SCLT1: variants seen among roughly 807,000 people sequenced by gnomAD.
SCLT1 encodes the protein sodium channel and clathrin linker 1, also known as sodium channel-associated protein 1.
A neutral mutation model predicts 112.8 loss-of-function variants in SCLT1; 78 were observed. That is an observed-to-expected ratio of 0.69 (90% CI 0.58 to 0.83). SCLT1 has a LOEUF of 0.83. Ranked by LOEUF, SCLT1 falls within the 40% of genes least tolerant of loss-of-function variation. The pLI is 0.00. For missense variants in SCLT1, 747 were observed against 770.4 expected (o/e 0.97, Z 0.36); for synonymous variants, 257 against 254.7 (o/e 1.01, Z -0.09).
intron 8 of SCLT1, among the ~76,000 whole-genome samples, chr4:128,996,416 T>G (rs1743020755): frequency 1.3e-5 from 2 of 152,170 alleles, no homozygotes; most frequent in Admixed American, 6.6e-5. Flanking sequence ...ATTCATTTAA[T>G]GAGTTTATTC....
chr4:129,078,565 T>C (rs1751660708), intron 2 of SCLT1, among the ~76,000 whole-genome samples: 1 of 151,942 alleles, frequency 6.6e-6, no homozygotes, highest in Admixed American at 6.6e-5. Context: ...AAAAATAATA[T>C]GGTTATAACA....
intron 18 of SCLT1, among the ~76,000 whole-genome samples, chr4:128,899,192 G>C (rs1579316996): frequency 6.6e-6 from 1 of 152,272 alleles, no homozygotes; most frequent in African/African-American, 2.4e-5. Flanking sequence ...GCATCATCCT[G>C]ATACCAAAGC....
At chr4:128,873,397 AAG>A (rs1273239317) in intron 5 of SCLT1, 1 of 152,666 alleles carries the variant, frequency 6.6e-6, no homozygotes, top group East Asian at 1.9e-4. Flanking sequence ...TTATACAGGA[AAG>A]AGACTGAAGT....
chr4:129,059,629 A>T (rs1749771532), intron 2 of SCLT1, among the ~76,000 whole-genome samples: 1 of 152,130 alleles, frequency 6.6e-6, no homozygotes, highest in Admixed American at 6.5e-5. Context: ...TGCTGGGTAT[A>T]GTATTCTTGG....
At chr4:128,907,473 C>A (rs1734777786) in intron 18 of SCLT1, among the ~76,000 whole-genome samples, 5 of 151,856 alleles carry the variant, frequency 3.3e-5, no homozygotes, top group Admixed American at 2.6e-4. Flanking sequence ...AAGATGATAC[C>A]CAGAGTTTTT....
downstream of SCLT1, among the ~76,000 whole-genome samples, chr4:128,880,332 G>A (rs148537136): frequency 2.1e-3 from 323 of 152,116 alleles, no homozygotes; most frequent in African/African-American, 7.4e-3. Context: ...TCAATGGTTC[G>A]AATGAAAATA....
intron 5 of SCLT1, among the ~76,000 whole-genome samples, chr4:129,004,542 T>C (rs1743824927): frequency 6.6e-6 from 1 of 152,060 alleles, no homozygotes; most frequent in Non-Finnish European, 1.5e-5. Flanking sequence ...AGAATGATTG[T>C]TTTAATTTAA....
chr4:128,960,417 A>G (rs1322164777), intron 11 of SCLT1, among the ~76,000 whole-genome samples: 1 of 152,190 alleles, frequency 6.6e-6, no homozygotes, highest in Non-Finnish European at 1.5e-5. Context: ...CCAATAATAT[A>G]GAAATCTCAT....
intron 18 of SCLT1, among the ~76,000 whole-genome samples, chr4:128,933,648 T>C (rs17013947): frequency 0.016 from 2,431 of 152,268 alleles, 60 homozygotes; most frequent in African/African-American, 0.055. Context: ...GGTCTTGTTT[T>C]TACTGTTTAC....
chr4:129,081,182 C>T (rs376064329), intron 2 of SCLT1, among the ~76,000 whole-genome samples: 4 of 152,136 alleles, frequency 2.6e-5, no homozygotes, highest in African/African-American at 4.8e-5. Context: ...TCACAGAAAC[C>T]GCCACTGCTA....
At position 128,884,456 on chromosome 4, in the gene SCLT1, G is replaced by A; in HGVS notation, c.*21C>T. 6.7e-7 allele frequency: 1 copy of A among 1,495,688 alleles called. No homozygotes were observed. The highest frequency in any genetic ancestry group is 9.3e-7 in the Non-Finnish European group (1 of 1,074,532). 92.7% of individuals were successfully genotyped at this position (1,495,688 alleles called of 1,614,324 possible). A position where few individuals can be genotyped will look rare whatever the true frequency, so the allele number is the denominator to read the frequency against. The stretch of plus-strand genomic sequence containing the variant: ...ACTGCTTTCCCAACTCTAAAGTTCT[G>A]TGAGTGAACTATGAATATTTTTAAA... On this transcript the variant is annotated 3_prime_UTR_variant, in exon 21 of 21. Coordinates refer to ENST00000281142, the MANE Select transcript of SCLT1 (RefSeq NM_144643.4).
In SCLT1 at chr4:128,936,849, G is replaced by C; in HGVS notation, c.1635C>G (p.Ile545Met). 1 of 1,484,220 alleles carries C rather than the reference G, an allele frequency of 6.7e-7. No homozygotes were observed. Among genetic ancestry groups the C allele is most frequent in the Non-Finnish European group, 9.2e-7 (1 of 1,088,806 alleles). The allele number at this position is 1,484,220 out of a possible 1,614,324, so 91.9% of individuals were successfully genotyped here. The change falls in exon 18 of 21, where the codon ATC becomes ATG. Residue 545 changes from isoleucine (I) to methionine (M), a missense_variant and splice_region_variant. Ile to Met is a conservative substitution (Grantham distance 10). This residue lies in a region of SCLT1 where 723 missense variants were observed against 721.3 expected (regional missense o/e 1.00). Transcript: ENST00000281142. ...LEAQKKAKVK[I>M]STMEHEFSIK... ...TTGAAAATTCATGTTCCATTGTACT[G>C]ATCTAAAGAATAAAATGAAAACGTA...
At chr4:128,942,854 A>T in intron 17 of SCLT1, 142 bp downstream of exon 17, 1 of 556,612 alleles carries the variant, frequency 1.8e-6, no homozygotes, top group Non-Finnish European at 3.2e-6. Context: ...ATGATTGGTT[A>T]ACACTCTGAA....
chr4:128,977,029 A>G (rs1201612541), intron 9 of SCLT1, among the ~76,000 whole-genome samples: 1 of 152,156 alleles, frequency 6.6e-6, no homozygotes, highest in African/African-American at 2.4e-5. Context: ...ACATTTGTGA[A>G]AAAGAATAGA....
intron 2 of SCLT1, among the ~76,000 whole-genome samples, chr4:129,055,803 C>T (rs186201682): frequency 6.6e-6 from 1 of 150,960 alleles, no homozygotes; most frequent in Non-Finnish European, 1.5e-5. Flanking sequence ...GCTGGGGTTC[C>T]AGGCGCCACT....
At chr4:128,910,509 T>C (rs1017341036) in intron 18 of SCLT1, among the ~76,000 whole-genome samples, 6 of 152,176 alleles carry the variant, frequency 3.9e-5, no homozygotes, top group African/African-American at 1.4e-4. Context: ...CTTTTAAAAT[T>C]TTTCCAGTAT....
intron 1 of SCLT1, among the ~76,000 whole-genome samples, chr4:129,088,669 C>A (rs921242615): frequency 3.9e-5 from 6 of 152,172 alleles, no homozygotes; most frequent in African/African-American, 1.4e-4. Flanking sequence ...GGCTGCAGAG[C>A]AGAATATTAA....
intron 13 of SCLT1, among the ~76,000 whole-genome samples, chr4:128,954,413 G>T (rs958970570): frequency 6.6e-6 from 1 of 150,876 alleles, no homozygotes; most frequent in Non-Finnish European, 1.5e-5. Flanking sequence ...CCGCCTCCTG[G>T]GTTCACACCA....
chr4:129,054,099 C>T lies in SCLT1; in HGVS notation c.103-10048G>A, dbSNP rs141549399. On this transcript the variant is annotated intron_variant, in intron 2 of 20. Transcript: ENST00000281142. ...GCCCCCACTCTCTTCTGGCTTCTAG[C>T]GTTTCTGCCAAGAGATTCGCTGTTA... Among the ~76,000 whole-genome samples, 1,272 of 152,272 alleles carry T rather than the reference C, an allele frequency of 8.4e-3. 17 individuals are homozygous for T. Among genetic ancestry groups the T allele is most frequent in the African/African-American group, 0.029 (1,217 of 41,546 alleles).
Sources: gnomAD v4.1 joint callset for allele counts (sites outside exome capture counted in the v4.1 genomes callset) on GRCh38, gnomAD v4.1.1 for gene constraint, gnomAD v4.1.1 regional missense constraint, MANE v1.5 for transcripts, NCBI Gene and HGNC (gene_info 2026-07-23, HGNC 2026-07-21) for gene names.